The following NVL variants were observed in gnomAD, a reference collection of about 807,000 sequenced individuals.
NVL encodes nuclear VCP like.
In NVL, 84 loss-of-function variants were observed where a neutral mutation model predicts 110.2. The ratio of observed to expected loss-of-function variants is 0.76; its 90% CI spans 0.64 to 0.91. The LOEUF (loss-of-function observed/expected upper bound fraction) is 0.91. NVL is among the 40% of genes least tolerant of loss of function. The pLI is 0.00. For missense variants in NVL, 882 were observed against 1,035.9 expected, an observed-to-expected ratio of 0.85 and a Z score of 2.04; for synonymous variants, 354 against 361.1, an observed-to-expected ratio of 0.98 and a Z score of 0.22.
At chr1:224,290,254 G>C (rs919343623) in intron 12 of NVL, among the ~76,000 whole-genome samples, 3 of 152,110 alleles carry the variant, frequency 2.0e-5, no homozygotes, top group Non-Finnish European at 2.9e-5. Flanking sequence ...AACCTAACTG[G>C]CAACATGGTA....
At chr1:224,231,041 G>T (rs897943866) in intron 22 of NVL, among the ~76,000 whole-genome samples, 185 bp downstream of exon 22, 1 of 151,336 alleles carries the variant, frequency 6.6e-6, no homozygotes, top group African/African-American at 2.4e-5. Flanking sequence ...GCTGAGGCAG[G>T]AGAATGGTGT....
At chr1:224,302,939 C>A in intron 9 of NVL, 1 of 313,730 alleles carries the variant, frequency 3.2e-6, no homozygotes, top group South Asian at 2.4e-5. Flanking sequence ...TTTCCAGTTA[C>A]TCGGGAGGCT....
At chr1:224,269,606 C>G (rs549212529) in intron 17 of NVL, 2 of 152,240 alleles carry the variant, frequency 1.3e-5, no homozygotes, top group South Asian at 2.1e-4. Context: ...GGGGATAAAT[C>G]ACTTAGATAC....
In NVL at chr1:224,305,107, A is replaced by T. The variant is rs764652291; in HGVS notation, c.675T>A (p.Asn225Lys). The change falls in exon 7 of 23, where the codon AAT (asparagine) becomes AAA (lysine). Residue 225 changes from asparagine to lysine, a missense_variant. Around this residue, in one of 4 missense-constraint regions of NVL, gnomAD observed 274 missense variants for 268.4 expected, o/e 1.02. Transcript: ENST00000281701. Reference sequence around the variant, plus strand: ...CTTCTTTCTTCCTTTTGCTTCCTTTATTCTTTAGCTTGCCTTTCCGTTTCA... The same window carrying T: ...CTTCTTTCTTCCTTTTGCTTCCTTTTTTCTTTAGCTTGCCTTTCCGTTTCA... The part of the protein sequence containing the change: ...SDMKRKGKLK[N>K]KGSKRKKEDL... The T allele has an allele frequency of 6.2e-7, 1 of 1,613,690 alleles. No homozygotes were observed. The highest frequency in any genetic ancestry group is 1.1e-5 in the South Asian group (1 of 91,060).
At chr1:224,316,864 G>T (rs1056295511) in intron 4 of NVL, among the ~76,000 whole-genome samples, 1 of 151,980 alleles carries the variant, frequency 6.6e-6, no homozygotes, top group Non-Finnish European at 1.5e-5. Flanking sequence ...TTGGCCAGGC[G>T]CAATGGCTCA....
chr1:224,315,556 A>G (rs2102757925), intron 4 of NVL, among the ~76,000 whole-genome samples: 1 of 152,366 alleles, frequency 6.6e-6, no homozygotes, highest in South Asian at 2.1e-4. Context: ...GTGAAACACT[A>G]CTGAAAATTA....
At chr1:224,290,801 CAA>C (rs773190032) in intron 12 of NVL, among the ~76,000 whole-genome samples, 26 of 78,616 alleles carry the variant, frequency 3.3e-4, no homozygotes, top group Non-Finnish European at 2.9e-4. Flanking sequence ...GACTCTGTCT[CAA>C]AAAAAAAAAA....
At position 224,279,378 on chromosome 1, in the gene NVL, G is replaced by A. The variant is rs1666090989; in HGVS notation, c.1962+1745C>T. On this transcript the variant is annotated intron_variant, in intron 16 of 22. Coordinates refer to ENST00000281701, the MANE Select transcript of NVL (RefSeq NM_002533.4). ...ACCTGAGGCCAGGAGTTTGAGACCA[G>A]CCTGGACAATACAGCAAAACCTCTA... 2.0e-5 allele frequency among the ~76,000 whole-genome samples: 3 copies of A among 152,076 alleles called. No homozygotes were observed. In the South Asian group the frequency reaches 6.2e-4, roughly 32 times the overall value.
intron 9 of NVL, 85 bp from the exon 10 acceptor site, chr1:224,300,748 ATAGC>A: frequency 1.1e-6 from 1 of 906,090 alleles, no homozygotes; most frequent in East Asian, 2.7e-5. Flanking sequence ...AATTTTTTAA[ATAGC>A]TAGTTTCCTG....
At position 224,283,068 on chromosome 1, in the gene NVL, A is replaced by AAC. The variant is rs749703694; in HGVS notation, c.1900-1885_1900-1884dup. Among the ~76,000 whole-genome samples, 53 of 152,270 alleles carry AAC rather than the reference A, an allele frequency of 3.5e-4. 1 individual carries two copies. Among genetic ancestry groups the AAC allele is most frequent in the South Asian group, 2.1e-3 (10 of 4,814 alleles). ...GGAGAACCTGATGAAAGGTGTTGTG[A>AAC]ACACTCTTCCCCAGAAACAATACAT... On this transcript the variant is annotated intron_variant, in intron 15 of 22. Coordinates refer to ENST00000281701, the MANE Select transcript of NVL (RefSeq NM_002533.4).
chr1:224,308,833 G>A (rs1346814249), intron 5 of NVL, among the ~76,000 whole-genome samples: 2 of 152,062 alleles, frequency 1.3e-5, no homozygotes, highest in African/African-American at 4.8e-5. Flanking sequence ...AAGCCGAGGC[G>A]GGCGGATCAC....
intron 19 of NVL, among the ~76,000 whole-genome samples, chr1:224,240,783 C>CTT (rs59138570): frequency 0.02 from 1,687 of 82,570 alleles, 32 homozygotes; most frequent in African/African-American, 0.025. Flanking sequence ...ACAAACTGTC[C>CTT]TTTTTTTTTT....
intron 19 of NVL, among the ~76,000 whole-genome samples, chr1:224,246,054 A>T (rs1203352510): frequency 6.6e-6 from 1 of 150,540 alleles, no homozygotes; most frequent in Non-Finnish European, 1.5e-5. Flanking sequence ...TTGGAGACAG[A>T]GTTTTGCTCT....
chr1:224,304,583 T>G (rs1668735184), intron 8 of NVL, among the ~76,000 whole-genome samples, 153 bp downstream of exon 8: 1 of 152,138 alleles, frequency 6.6e-6, no homozygotes. Context: ...TCTCCTGCAA[T>G]GCCCTAAAGG....
At chr1:224,260,778 T>C (rs1275891502) in intron 18 of NVL, among the ~76,000 whole-genome samples, 1 of 149,788 alleles carries the variant, frequency 6.7e-6, no homozygotes, top group Non-Finnish European at 1.5e-5. Flanking sequence ...CATAGCTCAC[T>C]GTGGCCTCAA....
chr1:224,297,867 GC>G (rs2102671980), intron 10 of NVL: 1 of 152,506 alleles, frequency 6.6e-6, no homozygotes, highest in South Asian at 2.1e-4. Flanking sequence ...GGCCAACATG[GC>G]AAAACGCCGT....
At chr1:224,302,637 TAGAA>T (rs1346461539) in intron 9 of NVL, among the ~76,000 whole-genome samples, 1 of 152,266 alleles carries the variant, frequency 6.6e-6, no homozygotes, top group Non-Finnish European at 1.5e-5. Flanking sequence ...ATTACCATTT[TAGAA>T]AGAATTATTT....
At chr1:224,244,062 G>A (rs1661520146) in intron 19 of NVL, among the ~76,000 whole-genome samples, 2 of 151,584 alleles carry the variant, frequency 1.3e-5, no homozygotes, top group African/African-American at 4.8e-5. Context: ...AAAGGAAGTA[G>A]AAGTTATGAA....
chr1:224,269,080 C>CT (rs1664786054), intron 17 of NVL, among the ~76,000 whole-genome samples: 1 of 126,492 alleles, frequency 7.9e-6, no homozygotes. Flanking sequence ...TTTGGTGAGA[C>CT]TAACTTTTTT....
Sources: gnomAD v4.1 joint callset for allele counts (sites outside exome capture counted in the v4.1 genomes callset) on GRCh38, gnomAD v4.1.1 for gene constraint, gnomAD v4.1.1 regional missense constraint, MANE v1.5 for transcripts, NCBI Gene and HGNC (gene_info 2026-07-23, HGNC 2026-07-21) for gene names.